The following LRRN2 variants were observed in gnomAD, a reference collection of about 807,000 sequenced individuals.
The protein encoded by LRRN2 is leucine-rich repeat neuronal protein 2.
Under a neutral mutation model 35.7 loss-of-function variants are expected in LRRN2, and 10 were observed. The observed-to-expected ratio is 0.28, with a 90% CI of 0.17 to 0.47. The LOEUF is 0.47. Among genes scored for constraint, LRRN2 ranks in the 20% least tolerant of loss-of-function variants. LRRN2 has a pLI of 0.99. For missense variants in LRRN2, 731 were observed against 940.3 expected (o/e 0.78, Z 2.91); for synonymous variants, 391 against 409.6 (o/e 0.95, Z 0.55).
intron 1 of LRRN2, among the ~76,000 whole-genome samples, chr1:204,642,005 C>T (rs1667988537): frequency 6.6e-6 from 1 of 152,168 alleles, no homozygotes; most frequent in African/African-American, 2.4e-5. Flanking sequence ...CACGTGAGTG[C>T]ATGTGTGTGT....
chr1:204,661,465 G>A (rs938589247), intron 1 of LRRN2, among the ~76,000 whole-genome samples: 2 of 152,112 alleles, frequency 1.3e-5, no homozygotes, highest in Non-Finnish European at 2.9e-5. Flanking sequence ...AATGGTTTTC[G>A]AACTTTCCTG....
At chr1:204,632,232 T>G (rs1005289848) in intron 1 of LRRN2, among the ~76,000 whole-genome samples, 1 of 152,132 alleles carries the variant, frequency 6.6e-6, no homozygotes, top group Non-Finnish European at 1.5e-5. Context: ...AGACCCTGTC[T>G]CTAACAATAA....
At chr1:204,627,405 C>T (rs1216886252) in intron 1 of LRRN2, 3 of 152,196 alleles carry the variant, frequency 2.0e-5, no homozygotes, top group African/African-American at 7.2e-5. Context: ...TACTTGCCCT[C>T]CCCTCGTCTC....
chr1:204,634,723 G>A (rs751459054), intron 1 of LRRN2, among the ~76,000 whole-genome samples: 2 of 152,116 alleles, frequency 1.3e-5, no homozygotes, highest in Non-Finnish European at 2.9e-5. Context: ...TGGCCCTGCC[G>A]ACACCTTGAT....
chr1:204,645,681 A>C (rs1045775090), intron 1 of LRRN2, among the ~76,000 whole-genome samples: 2 of 152,200 alleles, frequency 1.3e-5, no homozygotes, highest in African/African-American at 4.8e-5. Context: ...AAAGAGGTTT[A>C]ATTGACTCAC....
At chr1:204,626,244 C>T (rs1667346485) in intron 1 of LRRN2, among the ~76,000 whole-genome samples, 1 of 152,096 alleles carries the variant, frequency 6.6e-6, no homozygotes, top group African/African-American at 2.4e-5. Context: ...GCTGGAAATG[C>T]CCGCCCTCTT....
chr1:204,684,651 C>T (rs545304780), intron 1 of LRRN2, among the ~76,000 whole-genome samples: 68 of 152,176 alleles, frequency 4.5e-4, no homozygotes, highest in Non-Finnish European at 7.6e-4. Flanking sequence ...GGCTCAGAGC[C>T]ACCCTTCCGT....
intron 1 of LRRN2, among the ~76,000 whole-genome samples, chr1:204,659,678 A>G (rs1031960814): frequency 1.3e-5 from 2 of 151,940 alleles, no homozygotes; most frequent in Admixed American, 6.6e-5. Flanking sequence ...TGGCTTTGAA[A>G]TGCATTGTAG....
chr1:204,657,805 T>A (rs980238122), intron 1 of LRRN2, among the ~76,000 whole-genome samples: 8 of 152,118 alleles, frequency 5.3e-5, no homozygotes, highest in Non-Finnish European at 7.3e-5. Flanking sequence ...GTCTCTCAAC[T>A]CTCTGAGGAT....
chr1:204,640,583 T>C (rs1667955409), intron 1 of LRRN2, among the ~76,000 whole-genome samples: 1 of 152,146 alleles, frequency 6.6e-6, no homozygotes, highest in Non-Finnish European at 1.5e-5. Flanking sequence ...CCTCTCTCCC[T>C]TCCCCACCTC....
rs758670730 is a variant in LRRN2 at position 204,617,999 on chromosome 1, A to G, written c.1994T>C (p.Leu665Pro). 7 of 1,612,960 alleles carry G rather than the reference A, an allele frequency of 4.3e-6. No individual in the cohort carries two copies. The highest frequency in any genetic ancestry group is 5.1e-6 in the Non-Finnish European group (6 of 1,179,548). Residue 665 changes from leucine to proline, a missense_variant, in exon 2 of 2, where the codon CTC becomes CCC. Around this residue, in one of 3 missense-constraint regions of LRRN2, gnomAD observed 229 missense variants for 258.4 expected, o/e 0.89. Coordinates refer to ENST00000367177, the MANE Select transcript of LRRN2 (RefSeq NM_201630.2). ...PRKGVGGRRP[L>P]PPAWAFWGWS... is the part of the protein sequence containing the mutation. ...GCCCCAGAAAGCCCAGGCTGGAGGGAGAGGCCGCCTCCCACCCACACCCTT... is the reference window on the plus strand; with the variant it reads ...GCCCCAGAAAGCCCAGGCTGGAGGGGGAGGCCGCCTCCCACCCACACCCTT...
chr1:204,658,127 GCC>G (rs1447328540), intron 1 of LRRN2, among the ~76,000 whole-genome samples: 2 of 151,930 alleles, frequency 1.3e-5, no homozygotes, highest in Non-Finnish European at 2.9e-5. Flanking sequence ...ACAGGCACGT[GCC>G]ACCATGCCTG....
At chr1:204,623,649 G>A (rs1432382551) in intron 1 of LRRN2, among the ~76,000 whole-genome samples, 1 of 152,244 alleles carries the variant, frequency 6.6e-6, no homozygotes, top group Non-Finnish European at 1.5e-5. Flanking sequence ...CTGATTAGCA[G>A]TTTCTACCGG....
At position 204,624,713 on chromosome 1, in the gene LRRN2, TCTCCTCTCCTCCTCC is replaced by T. The variant is rs1183337046; in HGVS notation, c.-226-4510_-226-4496del. Reference sequence around the variant, plus strand: ...GTATTGGTGGATGCAGAGTCTCCTCTCTCCTCTCCTCCTCCCTCCTCTCCCTGGCGGTTCCCCCCC... The same window carrying T: ...GTATTGGTGGATGCAGAGTCTCCTCTCTCCTCTCCCTGGCGGTTCCCCCCC... On this transcript the variant is annotated intron_variant, in intron 1 of 1. Coordinates refer to ENST00000367177, the MANE Select transcript of LRRN2 (RefSeq NM_201630.2). Among the ~76,000 whole-genome samples, 5 of 148,990 alleles carry T rather than the reference TCTCCTCTCCTCCTCC, an allele frequency of 3.4e-5. No homozygotes were observed. The East Asian group carries it at 1.0e-3, about 30-fold the overall frequency.
chr1:204,684,059 G>A, intron 1 of LRRN2, among the ~76,000 whole-genome samples: 1 of 152,314 alleles, frequency 6.6e-6, no homozygotes, highest in South Asian at 2.1e-4. Flanking sequence ...GGGACAAAAC[G>A]CTGGGCCAGA....
chr1:204,644,706 G>T (rs1393761569), intron 1 of LRRN2, among the ~76,000 whole-genome samples: 1 of 152,216 alleles, frequency 6.6e-6, no homozygotes, highest in Admixed American at 6.5e-5. Flanking sequence ...CTTCTCAAGA[G>T]CAGGGGCTGG....
intron 1 of LRRN2, among the ~76,000 whole-genome samples, chr1:204,672,614 A>G (rs1396704873): frequency 6.6e-6 from 1 of 152,218 alleles, no homozygotes; most frequent in African/African-American, 2.4e-5. Context: ...ATAGAAGAAC[A>G]GACAGACTCC....
intron 1 of LRRN2, among the ~76,000 whole-genome samples, chr1:204,656,624 C>T: frequency 6.6e-6 from 1 of 152,154 alleles, no homozygotes; most frequent in East Asian, 1.9e-4. Context: ...CTTTATTGAG[C>T]CTCCATATCT....
Position 204,620,467 on chromosome 1 carries a change from G to T in LRRN2, c.-226-249C>A, listed in dbSNP as rs143303435. The T allele has an allele frequency of 8.3e-4, 152 of 183,566 alleles. 1 individual carries two copies. The Middle Eastern group carries it at 0.014, about 17-fold the overall frequency. 11.4% of individuals were successfully genotyped at this position (183,566 alleles called of 1,614,324 possible). On this transcript the variant is annotated intron_variant, in intron 1 of 1. Coordinates refer to ENST00000367177, the MANE Select transcript of LRRN2 (RefSeq NM_201630.2). ...TTTTGTATTTTTAGTAGAGATGGGGGTTTCTCCATGTTGGCCAGGCTGGTC... is the reference window on the plus strand; with the variant it reads ...TTTTGTATTTTTAGTAGAGATGGGGTTTTCTCCATGTTGGCCAGGCTGGTC...
Sources: gnomAD v4.1 joint callset for allele counts (sites outside exome capture counted in the v4.1 genomes callset) on GRCh38, gnomAD v4.1.1 for gene constraint, gnomAD v4.1.1 regional missense constraint, MANE v1.5 for transcripts, NCBI Gene and HGNC (gene_info 2026-07-23, HGNC 2026-07-21) for gene names.